The following RSF1 variants were observed in gnomAD, a reference collection of about 807,000 sequenced individuals.
RSF1 encodes HBV pX-associated protein 8.
A neutral mutation model predicts 145.2 loss-of-function variants in RSF1; 13 were observed. That is an observed-to-expected ratio of 0.09 (90% CI 0.06 to 0.14). The LOEUF is 0.14. RSF1 is among the 10% of genes least tolerant of loss of function. The probability of loss-of-function intolerance (pLI) is 1.00; values close to 1 mark genes in which losing one functional copy is unlikely to be tolerated. For synonymous variants in RSF1, 577 were observed against 592.6 expected, an observed-to-expected ratio of 0.97 and a Z score of 0.38; for missense variants, 1,517 against 1,718.2, an observed-to-expected ratio of 0.88 and a Z score of 2.07.
In RSF1 at chr11:77,694,018, T is replaced by C. The variant is rs939214013; in HGVS notation, c.2716-407A>G. 1.7e-4 allele frequency among the ~76,000 whole-genome samples: 26 copies of C among 152,090 alleles called. 1 individual carries two copies. The highest frequency in any genetic ancestry group is 3.4e-3 in the Middle Eastern group (1 of 294). On this transcript the variant is annotated intron_variant, in intron 7 of 15. Coordinates refer to ENST00000308488, the MANE Select transcript of RSF1 (RefSeq NM_016578.4). Reference sequence around the variant, plus strand: ...CAGGATGGTCTTGATCTCCTGACCTTGTGACCCACCCACCTCGGCCTCCCA... The same window carrying C: ...CAGGATGGTCTTGATCTCCTGACCTCGTGACCCACCCACCTCGGCCTCCCA...
At chr11:77,838,087 T>G in the RSF1 span, among the ~76,000 whole-genome samples, 11 of 152,136 alleles carry the variant, frequency 7.2e-5, no homozygotes, top group Admixed American at 7.2e-4. Flanking sequence ...ATATTAATAA[T>G]AAGTTGAACT....
chr11:77,821,177 G>C (rs988186677), upstream of RSF1: 2 of 367,682 alleles, frequency 5.4e-6, no homozygotes, highest in South Asian at 8.8e-5. Flanking sequence ...GCAGCGCTGG[G>C]AGCGTAAGTG....
intron 3 of RSF1, among the ~76,000 whole-genome samples, chr11:77,743,747 C>A (rs1590862929): frequency 6.6e-6 from 1 of 152,072 alleles, no homozygotes. Flanking sequence ...ACTTCCAGTA[C>A]TATGTTGAAT....
chr11:77,701,391 C>G lies in RSF1; in HGVS notation c.1838G>C (p.Ser613Thr). 6.2e-7 allele frequency: 1 copy of G among 1,613,952 alleles called. No individual in the cohort carries two copies. The highest frequency in any genetic ancestry group is 8.5e-7 in the Non-Finnish European group (1 of 1,180,002). Residue 613 changes from serine to threonine, a missense_variant, in exon 6 of 16, where the codon AGT (serine) becomes ACT (threonine). Physicochemically the swap from Ser to Thr is moderately conservative, Grantham distance 58. Transcript: ENST00000308488. Reference protein sequence around the residue: ...LSPIPEEVPKSTLESEKPGSP... With the variant: ...LSPIPEEVPKTTLESEKPGSP... ...GCCAGGCTTTTCTGACTCTAGAGTACTCTTTGGAACTTCTTCTGGTATTGG... is the reference window on the plus strand; with the variant it reads ...GCCAGGCTTTTCTGACTCTAGAGTAGTCTTTGGAACTTCTTCTGGTATTGG...
At chr11:77,669,586 T>C (rs1238365712) in intron 15 of RSF1, among the ~76,000 whole-genome samples, 1 of 152,204 alleles carries the variant, frequency 6.6e-6, no homozygotes, top group Non-Finnish European at 1.5e-5. Flanking sequence ...AAAAATTCAG[T>C]TCCATGGTCA....
chr11:77,806,920 T>C (rs894340897), intron 1 of RSF1, among the ~76,000 whole-genome samples: 1 of 152,200 alleles, frequency 6.6e-6, no homozygotes, highest in Non-Finnish European at 1.5e-5. Context: ...TTGAAATACA[T>C]GACACATTCA....
At chr11:77,679,101 G>A (rs181361245) in intron 11 of RSF1, among the ~76,000 whole-genome samples, 13 of 152,264 alleles carry the variant, frequency 8.5e-5, no homozygotes, top group Middle Eastern at 3.4e-3. Flanking sequence ...AAGCAGCTAC[G>A]GACAACATGT....
At chr11:77,786,247 T>C (rs1000643919) in intron 1 of RSF1, among the ~76,000 whole-genome samples, 4 of 152,174 alleles carry the variant, frequency 2.6e-5, no homozygotes, top group African/African-American at 4.8e-5. Context: ...ATACTATGTA[T>C]ATTAAGAGAT....
rs757732656 is a variant in RSF1, at chr11:77,667,009, C to T, written c.4234G>A (p.Gly1412Arg). The T allele has an allele frequency of 1.9e-6, 3 of 1,612,954 alleles. No homozygotes were observed. The highest frequency in any genetic ancestry group is 2.5e-6 in the Non-Finnish European group (3 of 1,179,000). ...TCTTCTGGTGCTCCTGCCTCCTGCCCACCACTTGTCCCATTGGAGGCTAGG... is the reference window on the plus strand; with the variant it reads ...TCTTCTGGTGCTCCTGCCTCCTGCCTACCACTTGTCCCATTGGAGGCTAGG... The part of the protein sequence containing the change: ...ASLASNGTSG[G>R]QEAGAPEEEE... Residue 1412 changes from glycine to arginine, a missense_variant, in exon 16 of 16, where the codon GGG (glycine) becomes AGG (arginine). Gly to Arg is a moderately radical substitution (Grantham distance 125). Around this residue, in one of 12 missense-constraint regions of RSF1, gnomAD observed 240 missense variants for 231.8 expected, o/e 1.04. Transcript: ENST00000308488.
At chr11:77,806,345 T>C (rs74961863) in intron 1 of RSF1, among the ~76,000 whole-genome samples, 1 of 152,086 alleles carries the variant, frequency 6.6e-6, no homozygotes, top group Admixed American at 6.6e-5. Context: ...TAAAAAGTAA[T>C]AAGCTTAGAA....
chr11:77,866,075 G>A, the RSF1 span, among the ~76,000 whole-genome samples: 2 of 152,204 alleles, frequency 1.3e-5, no homozygotes, highest in African/African-American at 4.8e-5. Context: ...CCAGATGATA[G>A]CATTGCTACT....
At chr11:77,838,352 A>G in the RSF1 span, among the ~76,000 whole-genome samples, 1 of 152,268 alleles carries the variant, frequency 6.6e-6, no homozygotes, top group South Asian at 2.1e-4. Context: ...TAGTGTATAT[A>G]TGAGATTATA....
chr11:77,721,146 T>C (rs1377857719), intron 5 of RSF1, among the ~76,000 whole-genome samples: 1 of 152,240 alleles, frequency 6.6e-6, no homozygotes, highest in African/African-American at 2.4e-5. Context: ...TGCCTATTTA[T>C]TTTTATTTCT....
At chr11:77,849,760 T>C in the RSF1 span, among the ~76,000 whole-genome samples, 9 of 152,216 alleles carry the variant, frequency 5.9e-5, no homozygotes, top group Non-Finnish European at 8.8e-5. Flanking sequence ...AAACCTGTCA[T>C]GATCTTTCTT....
intron 2 of RSF1, among the ~76,000 whole-genome samples, chr11:77,756,443 T>C (rs1454208480): frequency 2.0e-5 from 3 of 152,176 alleles, no homozygotes; most frequent in Non-Finnish European, 4.4e-5. Flanking sequence ...CCAAATACTA[T>C]TTTAAGTACT....
At chr11:77,859,021 T>C in the RSF1 span, among the ~76,000 whole-genome samples, 1 of 152,356 alleles carries the variant, frequency 6.6e-6, no homozygotes, top group African/African-American at 2.4e-5. Flanking sequence ...AGTAATGATT[T>C]GGCCATCTGA....
chr11:77,788,251 A>G (rs1194647910), intron 1 of RSF1, among the ~76,000 whole-genome samples: 6 of 150,096 alleles, frequency 4.0e-5, no homozygotes, highest in Non-Finnish European at 8.9e-5. Context: ...CCAAAGTGAG[A>G]AAAACAAAAA....
chr11:77,734,845 T>G, intron 4 of RSF1: 1 of 1,588,814 alleles, frequency 6.3e-7, no homozygotes, highest in East Asian at 2.2e-5. Context: ...CCTCTCCTCA[T>G]GAGATTGGTG....
chr11:77,757,539 G>A (rs1008490782), intron 2 of RSF1, among the ~76,000 whole-genome samples: 2 of 152,074 alleles, frequency 1.3e-5, no homozygotes, highest in Non-Finnish European at 2.9e-5. Flanking sequence ...TTGGTTGGGC[G>A]AGGTGGTGCA....
Sources: gnomAD v4.1 joint callset for allele counts (sites outside exome capture counted in the v4.1 genomes callset) on GRCh38, gnomAD v4.1.1 for gene constraint, gnomAD v4.1.1 regional missense constraint, MANE v1.5 for transcripts, NCBI Gene and HGNC (gene_info 2026-07-23, HGNC 2026-07-21) for gene names.